Variants in PAK5 observed in about 807,000 individuals in gnomAD.
PAK5 encodes serine/threonine-protein kinase PAK 5.
PAK5 carries 16 observed loss-of-function variants against 65.9 expected under a neutral mutation model. The ratio of observed to expected loss-of-function variants is 0.24; its 90% confidence interval spans 0.16 to 0.37. PAK5 has a LOEUF of 0.37. PAK5 is among the 10% of genes least tolerant of loss of function. PAK5 has a pLI of 1.00. For synonymous variants in PAK5, 371 were observed against 354.9 expected (o/e 1.05, Z -0.51); for missense variants, 785 against 903.9 (o/e 0.87, Z 1.69).
chr20:9,543,804 C>A (rs2045303747), intron 8 of PAK5, among the ~76,000 whole-genome samples: 1 of 152,154 alleles, frequency 6.6e-6, no homozygotes, highest in Non-Finnish European at 1.5e-5. Context: ...CCAGGCCCTA[C>A]CTCTTAAAAG....
At chr20:9,546,193 A>G (rs927877471) in intron 7 of PAK5, among the ~76,000 whole-genome samples, 5 of 152,184 alleles carry the variant, frequency 3.3e-5, no homozygotes, top group Admixed American at 6.5e-5. Flanking sequence ...TATAGAGTGA[A>G]CATCCCTATC....
intron 2 of PAK5, among the ~76,000 whole-genome samples, chr20:9,649,531 C>T (rs1324093425): frequency 6.6e-6 from 1 of 152,254 alleles, no homozygotes; most frequent in East Asian, 1.9e-4. Flanking sequence ...CAGCCCTCAA[C>T]CTGTTCTCAG....
At chr20:9,729,124 A>G (rs2123546683) in intron 1 of PAK5, among the ~76,000 whole-genome samples, 1 of 152,192 alleles carries the variant, frequency 6.6e-6, no homozygotes, top group South Asian at 2.1e-4. Context: ...AGTCCCAGCT[A>G]CTTGGGAGGC....
Position 9,539,641 on chromosome 20 carries a change from T to C in PAK5, c.2005-24A>G, listed in dbSNP as rs573790552. 2.0e-5 allele frequency: 32 copies of C among 1,608,354 alleles called. 1 individual carries two copies. In the South Asian group the frequency reaches 3.0e-4, roughly 15 times the overall value. On this transcript the variant is annotated intron_variant, in intron 9 of 9. Coordinates refer to ENST00000353224, the MANE Select transcript of PAK5 (RefSeq NM_177990.4). ...ACCTGTGAAAACACACAGATACCAATCTGAGGACTAACACAGACACCTAAC... is the reference window on the plus strand; with the variant it reads ...ACCTGTGAAAACACACAGATACCAACCTGAGGACTAACACAGACACCTAAC...
intron 2 of PAK5, among the ~76,000 whole-genome samples, chr20:9,657,797 A>G (rs1489156289): frequency 6.6e-6 from 1 of 152,168 alleles, no homozygotes; most frequent in Non-Finnish European, 1.5e-5. Context: ...GGCAAAAGGA[A>G]CCAAGGATAA....
intron 3 of PAK5, among the ~76,000 whole-genome samples, chr20:9,596,590 A>C (rs1037525878): frequency 1.4e-5 from 2 of 144,496 alleles, no homozygotes; most frequent in Admixed American, 7.2e-5. Flanking sequence ...GAGCTGAGAT[A>C]GCACTACTGC....
At chr20:9,771,085 T>A (rs1052833537) in intron 1 of PAK5, among the ~76,000 whole-genome samples, 5 of 152,196 alleles carry the variant, frequency 3.3e-5, no homozygotes, top group African/African-American at 1.2e-4. Flanking sequence ...ATAGCAGCCA[T>A]AGCAATGACC....
In PAK5 at chr20:9,575,368, GA is replaced by G. The variant is rs1180796898; in HGVS notation, c.990+4776del. 5.3e-5 allele frequency among the ~76,000 whole-genome samples: 8 copies of G among 152,236 alleles called. No homozygotes were observed. The East Asian group carries it at 1.5e-3, about 29-fold the overall frequency. On this transcript the variant is annotated intron_variant, in intron 4 of 9. Transcript: ENST00000353224. ...CCATGCCCAGTTCAAAGTAGGTACT[GA>G]AACACTTTAGAGATGATGAAACTGA...
intron 1 of PAK5, among the ~76,000 whole-genome samples, chr20:9,768,587 A>AG (rs2048796597): frequency 6.6e-6 from 1 of 152,172 alleles, no homozygotes; most frequent in South Asian, 2.1e-4. Flanking sequence ...GTTCTCAACC[A>AG]GCCTGGCCAA....
intron 1 of PAK5, among the ~76,000 whole-genome samples, chr20:9,810,706 C>T (rs1372795680): frequency 1.3e-5 from 2 of 152,108 alleles, no homozygotes; most frequent in Admixed American, 1.3e-4. Context: ...CTAAAATGTA[C>T]CCTCTCTGCT....
intron 1 of PAK5, among the ~76,000 whole-genome samples, chr20:9,758,873 G>A (rs1418332283): frequency 6.6e-6 from 1 of 152,030 alleles, no homozygotes; most frequent in East Asian, 1.9e-4. Context: ...CTGCCTGGAG[G>A]CCATGTCTAA....
chr20:9,776,688 T>G (rs928260715), intron 1 of PAK5, among the ~76,000 whole-genome samples: 1 of 152,156 alleles, frequency 6.6e-6, no homozygotes, highest in Non-Finnish European at 1.5e-5. Context: ...AGTGAGGCAC[T>G]GAGACCTCCT....
intron 1 of PAK5, among the ~76,000 whole-genome samples, chr20:9,771,621 CTT>C (rs2123677846): frequency 7.8e-6 from 1 of 127,920 alleles, no homozygotes; most frequent in Admixed American, 8.6e-5. Flanking sequence ...GCGTTTCACT[CTT>C]TTGTCCAGGC....
chr20:9,663,575 G>A (rs967904764), intron 2 of PAK5, among the ~76,000 whole-genome samples: 23 of 152,012 alleles, frequency 1.5e-4, no homozygotes, highest in African/African-American at 5.3e-4. Context: ...AATGGAAAGG[G>A]GCTTATTGAT....
intron 1 of PAK5, among the ~76,000 whole-genome samples, chr20:9,786,753 A>C (rs1470460686): frequency 6.6e-6 from 1 of 152,108 alleles, no homozygotes; most frequent in Non-Finnish European, 1.5e-5. Flanking sequence ...TTAAAATCGA[A>C]CTCTTGGGTT....
chr20:9,686,471 C>T (rs766684939), intron 2 of PAK5, among the ~76,000 whole-genome samples: 63 of 152,186 alleles, frequency 4.1e-4, no homozygotes, highest in Non-Finnish European at 6.9e-4. Flanking sequence ...TCATAGCTCA[C>T]TGCAGCCTTG....
intron 3 of PAK5, among the ~76,000 whole-genome samples, chr20:9,638,074 T>C (rs2047004023): frequency 6.6e-6 from 1 of 152,114 alleles, no homozygotes; most frequent in African/African-American, 2.4e-5. Flanking sequence ...TCAGAATACC[T>C]AGGGTGGGGC....
chr20:9,602,940 C>G (rs543654776), intron 3 of PAK5, among the ~76,000 whole-genome samples: 1 of 152,204 alleles, frequency 6.6e-6, no homozygotes, highest in Non-Finnish European at 1.5e-5. Flanking sequence ...TCATCACTCA[C>G]GAATTTCAGT....
intron 3 of PAK5, among the ~76,000 whole-genome samples, chr20:9,609,980 G>A (rs372495263): frequency 6.6e-6 from 1 of 150,824 alleles, no homozygotes; most frequent in East Asian, 2.0e-4. Flanking sequence ...GTAACCAAGT[G>A]TAGTAGCTTT....
Sources: allele counts gnomAD v4.1 joint callset (sites outside exome capture counted in the v4.1 genomes callset), GRCh38; gene constraint gnomAD v4.1.1; transcripts MANE v1.5; gene names NCBI Gene and HGNC (gene_info 2026-07-23, HGNC 2026-07-21).